The following MKLN1 variants were observed in gnomAD, a reference collection of about 807,000 sequenced individuals.
MKLN1 encodes muskelin 1.
MKLN1 carries 18 observed loss-of-function variants against 99.0 expected under a neutral mutation model. The observed-to-expected ratio is 0.18, with a 90% CI of 0.13 to 0.27. The LOEUF (loss-of-function observed/expected upper bound fraction) is 0.27, where lower values mean the gene tolerates loss of function less well. MKLN1 is among the 10% of genes least tolerant of loss of function. MKLN1 has a pLI of 1.00. For synonymous variants in MKLN1, 288 were observed against 293.2 expected (o/e 0.98, Z 0.18); for missense variants, 621 against 875.9 (o/e 0.71, Z 3.67).
Position 131,473,548 on chromosome 7 carries a change from G to A in MKLN1, c.2031+2604G>A, listed in dbSNP as rs529050465. ...AAAAATGATATTTTTTTCTAGAAAA[G>A]CCATGAGAAAAGGATGCCTAATCAA... On this transcript the variant is annotated intron_variant, in intron 16 of 17. Coordinates refer to ENST00000352689, the MANE Select transcript of MKLN1 (RefSeq NM_013255.5). Among the ~76,000 whole-genome samples, 30 of 152,144 alleles carry A rather than the reference G, an allele frequency of 2.0e-4. No homozygotes were observed. In the South Asian group the frequency reaches 6.2e-3, roughly 32 times the overall value.
intron 3 of MKLN1, among the ~76,000 whole-genome samples, chr7:131,253,925 TC>T (rs1364263162): frequency 1.3e-5 from 2 of 152,138 alleles, no homozygotes; most frequent in African/African-American, 4.8e-5. Flanking sequence ...AGAAGAGCCA[TC>T]CTGAGGTCAG....
chr7:131,362,906 AT>A (rs1327039487), intron 1 of MKLN1, among the ~76,000 whole-genome samples: 1 of 151,864 alleles, frequency 6.6e-6, no homozygotes, highest in African/African-American at 2.4e-5. Context: ...TGGCCATACT[AT>A]TTTTGAGCTG....
At position 131,133,819 on chromosome 7, in the gene MKLN1, G is replaced by GTTTTTTTTTTTTTTTTTTT. The variant is rs1563226557; in HGVS notation, c.-418-9001_-418-9000insTTTTTTTTTTTTTTTTTTT. Among the ~76,000 whole-genome samples the GTTTTTTTTTTTTTTTTTTT allele has an allele frequency of 4.5e-5, 3 of 67,240 alleles. 1 individual carries two copies. Among genetic ancestry groups the GTTTTTTTTTTTTTTTTTTT allele is most frequent in the African/African-American group, 1.0e-4 (2 of 19,614 alleles). The allele number at this position is 67,240 out of a possible 152,430, so 44.1% of individuals were successfully genotyped here. On this transcript the variant is annotated intron_variant, in intron 1 of 7. Coordinates refer to the MKLN1 transcript ENST00000416992. ...ACTTCTTTTTTTTTTTTTTTAATTTGGTTTTTTTTTTTTTTTTTTTTTTTT... is the reference window on the plus strand; with the variant it reads ...ACTTCTTTTTTTTTTTTTTTAATTTGTTTTTTTTTTTTTTTTTTTGTTTTTTTTTTTTTTTTTTTTTTTT...
rs186463784 is a variant in MKLN1 at position 131,250,306 on chromosome 7, C to A, written c.-179+47332C>A. On this transcript the variant is annotated intron_variant, in intron 3 of 7. Coordinates refer to the MKLN1 transcript ENST00000416992. Reference sequence around the variant, plus strand: ...CCAGGGAAGAGACCCTTCCATCGGCCTGAATATTAGTGGAGGAAGGTCAAG... The same window carrying A: ...CCAGGGAAGAGACCCTTCCATCGGCATGAATATTAGTGGAGGAAGGTCAAG... Among the ~76,000 whole-genome samples, 239 of 152,220 alleles carry A rather than the reference C, an allele frequency of 1.6e-3. 3 individuals are homozygous for A. The highest frequency in any genetic ancestry group is 6.8e-3 in the Admixed American group (104 of 15,276).
chr7:131,403,256 T>C (rs1794602975), intron 6 of MKLN1, among the ~76,000 whole-genome samples: 1 of 152,212 alleles, frequency 6.6e-6, no homozygotes, highest in African/African-American at 2.4e-5. Flanking sequence ...TTCTTTAAAC[T>C]TCATGAACCA....
chr7:131,459,189 TTGGCCCC>T (rs1796439360), intron 12 of MKLN1, among the ~76,000 whole-genome samples: 1 of 152,212 alleles, frequency 6.6e-6, no homozygotes, highest in Admixed American at 6.5e-5. Context: ...CAGATTCTTC[TTGGCCCC>T]TCTGTGTAGT....
chr7:131,327,941 G>T lies in MKLN1; in HGVS notation c.42G>T (p.Arg14=), dbSNP rs1285177750. 6.8e-6 allele frequency: 11 copies of T among 1,613,572 alleles called. No individual in the cohort carries two copies. Among genetic ancestry groups the T allele is most frequent in the Non-Finnish European group, 9.3e-6 (11 of 1,179,822 alleles). ...CTGTCGCTGCGGCGCCCGAGTGCCG[G>T]CTTCTCCCCTACGCGCTACACAAGT... ...GGAVAAAPEC[R]LLPYALHKWS... is the part of the protein sequence containing the mutation. The change falls in exon 1 of 18, where the codon CGG becomes CGT. Residue 14 remains arginine (R), a synonymous_variant. Coordinates refer to ENST00000352689, the MANE Select transcript of MKLN1 (RefSeq NM_013255.5).
chr7:131,207,047 G>T (rs1470628992), intron 3 of MKLN1, among the ~76,000 whole-genome samples: 2 of 152,106 alleles, frequency 1.3e-5, no homozygotes, highest in African/African-American at 2.4e-5. Context: ...GGTGAAGAAG[G>T]GACAGAGGCT....
chr7:131,363,672 T>C (rs1189814542), intron 1 of MKLN1, among the ~76,000 whole-genome samples: 2 of 150,140 alleles, frequency 1.3e-5, no homozygotes, highest in African/African-American at 4.8e-5. Context: ...ACTTTTTCTT[T>C]ATTTTTACAT....
rs527702723 is a variant in MKLN1, at chr7:131,400,518, A to AAATAT, written c.703+1086_703+1087insATATA. Among the ~76,000 whole-genome samples, 890 of 137,412 alleles carry AAATAT rather than the reference A, an allele frequency of 6.5e-3. 6 individuals carry two copies. The highest frequency in any genetic ancestry group is 0.019 in the South Asian group (83 of 4,404). 90.1% of individuals were successfully genotyped at this position (137,412 alleles called of 152,430 possible). A position where few individuals can be genotyped will look rare whatever the true frequency, so the allele number is the denominator to read the frequency against. On this transcript the variant is annotated intron_variant, in intron 6 of 17. Coordinates refer to ENST00000352689, the MANE Select transcript of MKLN1 (RefSeq NM_013255.5). The stretch of plus-strand genomic sequence containing the variant: ...TTTAAAATGCTACCAATAAAAAAAA[A>AAATAT]ATATATATATATATATATATATGCC...
Position 131,136,065 on chromosome 7 carries a change from T to A in MKLN1, c.-418-6755T>A, listed in dbSNP as rs79048545. 9.5e-3 allele frequency among the ~76,000 whole-genome samples: 1,443 copies of A among 152,264 alleles called. 14 individuals are homozygous for A. The highest frequency in any genetic ancestry group is 0.016 in the Non-Finnish European group (1,067 of 68,002). On this transcript the variant is annotated intron_variant, in intron 1 of 7. Coordinates refer to the MKLN1 transcript ENST00000416992. The stretch of plus-strand genomic sequence containing the variant: ...TATGAGTTCTGTTGTGCTTGCAATT[T>A]TATCTCCTCCTGGCCTCAGTTCATG...
At chr7:131,292,976 A>G (rs1298779421) in intron 3 of MKLN1, among the ~76,000 whole-genome samples, 1 of 152,240 alleles carries the variant, frequency 6.6e-6, no homozygotes, top group African/African-American at 2.4e-5. Context: ...GGTACACAAT[A>G]TCACTTTGAT....
intron 6 of MKLN1, among the ~76,000 whole-genome samples, chr7:131,407,880 G>A (rs1415409649): frequency 2.0e-5 from 3 of 151,518 alleles, no homozygotes; most frequent in Admixed American, 6.6e-5. Flanking sequence ...TATTTGCCTT[G>A]GTGCTGTATT....
At chr7:131,468,335 A>C (rs1283382643) in intron 15 of MKLN1, among the ~76,000 whole-genome samples, 1 of 152,262 alleles carries the variant, frequency 6.6e-6, no homozygotes, top group Non-Finnish European at 1.5e-5. Context: ...CATTATAGAC[A>C]GAATAGAAGA....
intron 3 of MKLN1, among the ~76,000 whole-genome samples, chr7:131,312,277 C>A (rs1327071042): frequency 2.6e-5 from 4 of 152,138 alleles, no homozygotes; most frequent in African/African-American, 9.7e-5. Flanking sequence ...CCCACCTCAC[C>A]CTTCCAAAGT....
chr7:131,142,452 T>A (rs926646339), intron 1 of MKLN1, among the ~76,000 whole-genome samples: 1 of 148,094 alleles, frequency 6.8e-6, no homozygotes, highest in Non-Finnish European at 1.5e-5. Context: ...TTAAAAAAAT[T>A]AGGCCGGTCG....
At chr7:131,145,681 G>T (rs982851438) in intron 2 of MKLN1, among the ~76,000 whole-genome samples, 11 of 152,262 alleles carry the variant, frequency 7.2e-5, no homozygotes, top group African/African-American at 2.4e-4. Flanking sequence ...ACCTTTCAAA[G>T]TTTGAGGTCT....
chr7:131,212,821 G>A (rs1379027535), intron 3 of MKLN1, among the ~76,000 whole-genome samples: 1 of 151,972 alleles, frequency 6.6e-6, no homozygotes, highest in Non-Finnish European at 1.5e-5. Context: ...TACTCCTGAG[G>A]CTGAGGCAGG....
chr7:131,133,353 C>CTTTTTTTTTTTTT (rs1198245681), intron 1 of MKLN1, among the ~76,000 whole-genome samples: 24 of 93,632 alleles, frequency 2.6e-4, no homozygotes, highest in Non-Finnish European at 3.4e-4. Context: ...TTCTTTCTTT[C>CTTTTTTTTTTTTT]TTTTTTTTTT....
Sources: gnomAD v4.1 joint callset for allele counts (sites outside exome capture counted in the v4.1 genomes callset) on GRCh38, gnomAD v4.1.1 for gene constraint, MANE v1.5 for transcripts, NCBI Gene and HGNC (gene_info 2026-07-23, HGNC 2026-07-21) for gene names.